TRPM3: variants seen among roughly 807,000 people sequenced by gnomAD.
TRPM3 encodes long transient receptor potential channel 3.
In TRPM3, 77 loss-of-function variants were observed where a neutral mutation model predicts 181.2. The ratio of observed to expected loss-of-function variants is 0.42; its 90% CI spans 0.35 to 0.51. The LOEUF (loss-of-function observed/expected upper bound fraction) is 0.51. Ranked by LOEUF, TRPM3 falls within the 20% of genes least tolerant of loss-of-function variation. The probability of loss-of-function intolerance (pLI) is 0.01; values close to 1 mark genes in which losing one functional copy is unlikely to be tolerated. For synonymous variants in TRPM3, 745 were observed against 796.4 expected (o/e 0.94, Z 1.09); for missense variants, 1,759 against 2,196.7 (o/e 0.80, Z 3.98).
chr9:70,901,508 C>T (rs1042430494), intron 1 of TRPM3, among the ~76,000 whole-genome samples: 1 of 151,500 alleles, frequency 6.6e-6, no homozygotes, highest in Non-Finnish European at 1.5e-5. Flanking sequence ...GACTTTGTAT[C>T]CATGGTGGTA....
At chr9:71,430,113 C>T (rs898655633) in intron 1 of TRPM3, among the ~76,000 whole-genome samples, 3 of 152,132 alleles carry the variant, frequency 2.0e-5, no homozygotes, top group Non-Finnish European at 2.9e-5. Context: ...TATTTATTTG[C>T]TTGCCAGCGT....
chr9:71,049,340 T>G (rs1378627912), intron 1 of TRPM3, among the ~76,000 whole-genome samples: 1 of 152,090 alleles, frequency 6.6e-6, no homozygotes, highest in African/African-American at 2.4e-5. Context: ...TTTCAGAGTA[T>G]GAGGAAAACT....
chr9:71,224,970 G>A (rs530929752), intron 1 of TRPM3, among the ~76,000 whole-genome samples: 12 of 152,052 alleles, frequency 7.9e-5, no homozygotes, highest in Admixed American at 1.3e-4. Context: ...CTAGAAAATA[G>A]CCTCAAAAGA....
At chr9:70,845,801 G>C (rs1231824873) in intron 4 of TRPM3, among the ~76,000 whole-genome samples, 2 of 152,170 alleles carry the variant, frequency 1.3e-5, no homozygotes, top group African/African-American at 4.8e-5. Context: ...AGGTGGGCCA[G>C]TAAGAACTGA....
intron 1 of TRPM3, among the ~76,000 whole-genome samples, chr9:71,362,823 T>C (rs925018946): frequency 6.6e-6 from 1 of 152,200 alleles, no homozygotes; most frequent in Non-Finnish European, 1.5e-5. Context: ...CAGCTAATGA[T>C]TGCATGTAAT....
In TRPM3 at chr9:70,619,406, C is replaced by CTTTTT. The variant is rs1170887633; in HGVS notation, c.2130-316_2130-312dup. Among the ~76,000 whole-genome samples the CTTTTT allele has an allele frequency of 1.1e-3, 87 of 81,424 alleles. 2 individuals carry two copies. Among genetic ancestry groups the CTTTTT allele is most frequent in the Non-Finnish European group, 1.4e-3 (64 of 45,442 alleles). 53.4% of individuals were successfully genotyped at this position (81,424 alleles called of 152,430 possible). A position where few individuals can be genotyped will look rare whatever the true frequency, so the allele number is the denominator to read the frequency against. On this transcript the variant is annotated intron_variant, in intron 16 of 25. Transcript: ENST00000677713. ...GAGTACAGTATGTCATCGTCGTCTT[C>CTTTTT]TTTTTTTTTTTTTTTTTTTTTTTTT...
chr9:71,019,534 G>A (rs615507), intron 1 of TRPM3, among the ~76,000 whole-genome samples: 34,432 of 151,686 alleles, frequency 0.23, 4,645 homozygotes, highest in East Asian at 0.33. Context: ...AAAAGCCATG[G>A]AAGTACCCAG....
intron 12 of TRPM3, among the ~76,000 whole-genome samples, chr9:70,630,021 T>C (rs956530903): frequency 2.6e-5 from 4 of 152,194 alleles, no homozygotes; most frequent in East Asian, 1.9e-4. Context: ...GCTGGGCCAA[T>C]GGCCTTGACC....
intron 1 of TRPM3, among the ~76,000 whole-genome samples, chr9:71,158,524 T>A (rs2076114831): frequency 6.6e-6 from 1 of 152,268 alleles, no homozygotes; most frequent in East Asian, 1.9e-4. Flanking sequence ...AAGTGGAAAT[T>A]ACAAAGGATT....
At chr9:70,777,101 C>T (rs1292504222) in intron 7 of TRPM3, among the ~76,000 whole-genome samples, 2 of 152,098 alleles carry the variant, frequency 1.3e-5, no homozygotes, top group African/African-American at 4.8e-5. Context: ...GGAATGTAAT[C>T]AATAGAGAGC....
intron 1 of TRPM3, among the ~76,000 whole-genome samples, chr9:71,321,889 A>C (rs1298821325): frequency 6.6e-6 from 1 of 152,138 alleles, no homozygotes; most frequent in Non-Finnish European, 1.5e-5. Flanking sequence ...AATGTACTTG[A>C]GGAGCCAAAA....
intron 1 of TRPM3, among the ~76,000 whole-genome samples, chr9:70,913,612 T>C (rs2096560618): frequency 6.6e-6 from 1 of 152,208 alleles, no homozygotes; most frequent in African/African-American, 2.4e-5. Flanking sequence ...AATGAATAAA[T>C]ATCTTAGTAT....
chr9:71,185,492 G>A (rs76507022), intron 1 of TRPM3, among the ~76,000 whole-genome samples: 163 of 152,186 alleles, frequency 1.1e-3, no homozygotes, highest in African/African-American at 3.9e-3. Flanking sequence ...TTTCTTGGCT[G>A]TTTAGGCCAG....
At chr9:71,318,593 C>T (rs1010257842) in intron 1 of TRPM3, among the ~76,000 whole-genome samples, 1 of 152,068 alleles carries the variant, frequency 6.6e-6, no homozygotes, top group Non-Finnish European at 1.5e-5. Context: ...CAATCTGTAA[C>T]CATAACTATC....
At chr9:70,985,486 G>T (rs551329594) in intron 1 of TRPM3, among the ~76,000 whole-genome samples, 1 of 152,124 alleles carries the variant, frequency 6.6e-6, no homozygotes, top group Non-Finnish European at 1.5e-5. Context: ...CAAGCTTCTT[G>T]TTATGCAGGA....
chr9:70,780,149 T>A (rs1330717657), intron 7 of TRPM3, among the ~76,000 whole-genome samples: 1 of 152,166 alleles, frequency 6.6e-6, no homozygotes, highest in Non-Finnish European at 1.5e-5. Context: ...AGATAAAACA[T>A]AAAGTTCACA....
chr9:70,879,763 C>G (rs2095948624), intron 1 of TRPM3, among the ~76,000 whole-genome samples: 1 of 152,124 alleles, frequency 6.6e-6, no homozygotes, highest in Non-Finnish European at 1.5e-5. Context: ...ATTTTCCTAA[C>G]ATGTTTTGCA....
chr9:70,921,178 T>C (rs1435233264), intron 1 of TRPM3, among the ~76,000 whole-genome samples: 1 of 152,220 alleles, frequency 6.6e-6, no homozygotes. Context: ...ACACAGGTTG[T>C]TCTGTTCTCT....
At chr9:71,444,235 T>C (rs2094174985) in intron 1 of TRPM3, among the ~76,000 whole-genome samples, 1 of 149,580 alleles carries the variant, frequency 6.7e-6, no homozygotes, top group African/African-American at 2.5e-5. Context: ...AGTCATGGAC[T>C]ATATCATTCC....
Sources: gnomAD v4.1 joint callset for allele counts (sites outside exome capture counted in the v4.1 genomes callset) on GRCh38, gnomAD v4.1.1 for gene constraint, MANE v1.5 for transcripts, NCBI Gene and HGNC (gene_info 2026-07-23, HGNC 2026-07-21) for gene names.